NRXN1: variants seen among roughly 807,000 people sequenced by gnomAD.
NRXN1 encodes neurexin 1, also known as neurexin-1.
A neutral mutation model predicts 150.9 loss-of-function variants in NRXN1; 39 were observed. The observed-to-expected ratio is 0.26, with a 90% CI of 0.20 to 0.34. The LOEUF (loss-of-function observed/expected upper bound fraction) is 0.34. NRXN1 is among the 10% of genes least tolerant of loss of function. The probability of loss-of-function intolerance (pLI) is 1.00; values close to 1 mark genes in which losing one functional copy is unlikely to be tolerated. For synonymous variants in NRXN1, 924 were observed against 757.0 expected, an observed-to-expected ratio of 1.22 and a Z score of -3.62; for missense variants, 1,815 against 1,949.9, an observed-to-expected ratio of 0.93 and a Z score of 1.30.
intron 18 of NRXN1, among the ~76,000 whole-genome samples, chr2:50,201,355 A>G (rs188608355): frequency 1.1e-4 from 17 of 152,282 alleles, no homozygotes; most frequent in Non-Finnish European, 2.5e-4. Flanking sequence ...ACTGTTGTCA[A>G]TGTTTAAAAA....
chr2:50,892,824 C>T (rs538146059), intron 5 of NRXN1, among the ~76,000 whole-genome samples: 23 of 152,098 alleles, frequency 1.5e-4, no homozygotes, highest in Non-Finnish European at 2.6e-4. Context: ...CCATATGTCA[C>T]TCAATGTTTA....
intron 18 of NRXN1, among the ~76,000 whole-genome samples, chr2:50,158,378 C>G (rs1043080740): frequency 6.6e-6 from 1 of 151,568 alleles, no homozygotes; most frequent in African/African-American, 2.4e-5. Context: ...TATTTGCTGA[C>G]ATTCATAGAC....
chr2:50,888,679 AAT>A, intron 5 of NRXN1, among the ~76,000 whole-genome samples: 1 of 151,758 alleles, frequency 6.6e-6, no homozygotes, highest in East Asian at 1.9e-4. Flanking sequence ...TTTATGCCAA[AAT>A]ATGTTTTGAC....
intron 12 of NRXN1, among the ~76,000 whole-genome samples, chr2:50,513,392 T>C (rs1202946741): frequency 1.3e-5 from 2 of 152,324 alleles, no homozygotes; most frequent in East Asian, 3.9e-4. Context: ...TTTTTTGAAA[T>C]TAGGCCTCCC....
intron 18 of NRXN1, among the ~76,000 whole-genome samples, chr2:50,148,836 G>A (rs2058523866): frequency 6.6e-6 from 1 of 151,788 alleles, no homozygotes; most frequent in Middle Eastern, 3.4e-3. Context: ...ATTCACCTGA[G>A]TCCTAAGGAA....
intron 2 of NRXN1, among the ~76,000 whole-genome samples, chr2:50,996,380 C>G (rs1699282765): frequency 6.6e-6 from 1 of 152,028 alleles, no homozygotes; most frequent in South Asian, 2.1e-4. Flanking sequence ...TTTACCTTCC[C>G]TTGTCAAACA....
At chr2:50,898,557 T>G in intron 5 of NRXN1, 3 of 474,676 alleles carry the variant, frequency 6.3e-6, no homozygotes, top group South Asian at 4.7e-5. Flanking sequence ...CGTAGGGAGG[T>G]AGAAAATGAA....
chr2:50,142,825 C>G (rs1375723398), intron 18 of NRXN1, among the ~76,000 whole-genome samples: 1 of 151,636 alleles, frequency 6.6e-6, no homozygotes, highest in Non-Finnish European at 1.5e-5. Context: ...TAAGGGAGAT[C>G]AGATACAACA....
At chr2:49,997,723 C>T (rs1683228184) in intron 21 of NRXN1, among the ~76,000 whole-genome samples, 1 of 151,962 alleles carries the variant, frequency 6.6e-6, no homozygotes, top group Admixed American at 6.6e-5. Context: ...ATGATTTTCC[C>T]CAAGGGTATA....
intron 2 of NRXN1, among the ~76,000 whole-genome samples, chr2:50,949,649 A>G (rs963170587): frequency 4.6e-5 from 7 of 151,902 alleles, no homozygotes; most frequent in Non-Finnish European, 8.8e-5. Flanking sequence ...TTTCATTCCT[A>G]CTCAGGCCTT....
At chr2:50,302,039 G>C (rs2074198360) in intron 17 of NRXN1, among the ~76,000 whole-genome samples, 1 of 152,024 alleles carries the variant, frequency 6.6e-6, no homozygotes, top group South Asian at 2.1e-4. Flanking sequence ...TGACAAACAT[G>C]AAGAAATATT....
At chr2:50,543,843 C>T (rs1309288532) in intron 9 of NRXN1, among the ~76,000 whole-genome samples, 1 of 152,132 alleles carries the variant, frequency 6.6e-6, no homozygotes, top group African/African-American at 2.4e-5. Context: ...AGTTAAATTA[C>T]TTCACAAGTT....
intron 17 of NRXN1, among the ~76,000 whole-genome samples, chr2:50,397,967 C>G (rs17040569): frequency 1.3e-5 from 2 of 151,884 alleles, no homozygotes; most frequent in African/African-American, 4.8e-5. Context: ...ACACTCAAAA[C>G]AAGATAAAAT....
intron 17 of NRXN1, among the ~76,000 whole-genome samples, chr2:50,274,189 T>C (rs907509140): frequency 8.0e-5 from 12 of 150,832 alleles, no homozygotes; most frequent in African/African-American, 2.9e-4. Context: ...TGGAATACTA[T>C]GCAGCCATAA....
chr2:50,608,191 T>C (rs1051005532), intron 8 of NRXN1, among the ~76,000 whole-genome samples: 37 of 152,258 alleles, frequency 2.4e-4, no homozygotes, highest in African/African-American at 8.4e-4. Flanking sequence ...TCAAGGTATA[T>C]CCTGATTTAG....
At chr2:50,416,484 T>C (rs2083548421) in intron 17 of NRXN1, among the ~76,000 whole-genome samples, 1 of 152,114 alleles carries the variant, frequency 6.6e-6, no homozygotes, top group East Asian at 1.9e-4. Context: ...TAATAATTTC[T>C]ATTTCCTTCT....
chr2:50,899,993 C>T (rs942219527), intron 5 of NRXN1, among the ~76,000 whole-genome samples: 1 of 151,966 alleles, frequency 6.6e-6, no homozygotes, highest in Admixed American at 6.6e-5. Context: ...ACTGAAGAGA[C>T]AAGACATGAA....
intron 18 of NRXN1, among the ~76,000 whole-genome samples, chr2:50,116,962 G>C (rs1267575034): frequency 6.6e-6 from 1 of 152,090 alleles, no homozygotes; most frequent in Non-Finnish European, 1.5e-5. Context: ...AGGTAGTGGG[G>C]TGTTACAGGG....
At chr2:50,897,280 A>AAAC (rs1682126888) in intron 5 of NRXN1, among the ~76,000 whole-genome samples, 1 of 152,210 alleles carries the variant, frequency 6.6e-6, no homozygotes, top group Non-Finnish European at 1.5e-5. Flanking sequence ...TCGTACTGTG[A>AAAC]CTGGCATAGA....
Sources: gnomAD v4.1 joint callset for allele counts (sites outside exome capture counted in the v4.1 genomes callset) on GRCh38, gnomAD v4.1.1 for gene constraint, MANE v1.5 for transcripts, NCBI Gene and HGNC (gene_info 2026-07-23, HGNC 2026-07-21) for gene names.